Variants in INSC observed in about 807,000 individuals in gnomAD.
INSC encodes the protein protein inscuteable homolog.
A neutral mutation model predicts 58.6 loss-of-function variants in INSC; 67 were observed. That is an observed-to-expected ratio of 1.14 (90% CI 0.94 to 1.40). INSC has a LOEUF of 1.40. Among genes scored for constraint, INSC ranks in the 40% most tolerant of loss-of-function variants. The probability of loss-of-function intolerance (pLI) is 0.00; values close to 1 mark genes in which losing one functional copy is unlikely to be tolerated. For synonymous variants in INSC, 262 were observed against 276.1 expected, an observed-to-expected ratio of 0.95 and a Z score of 0.51; for missense variants, 714 against 692.0, an observed-to-expected ratio of 1.03 and a Z score of -0.36.
Position 15,245,993 on chromosome 11 carries a change from G to A in INSC, c.1552G>A (p.Val518Met). 1 of 1,614,174 alleles carries A rather than the reference G, an allele frequency of 6.2e-7. No individual in the cohort carries two copies. Among genetic ancestry groups the A allele is most frequent in the South Asian group, 1.1e-5 (1 of 91,078 alleles). ...TCAGCAGTTGGTCCAGCCTCGGCTG[G>A]TGGACTCCTTCTTACTCTGCAGCAA... ...DFQQLVQPRL[V>M]DSFLLCSNME... Residue 518 changes from valine to methionine, a missense_variant, in exon 13 of 13, where the codon GTG (valine) becomes ATG (methionine). Transcript: ENST00000379556.
At chr11:15,266,950 G>A in the INSC span, among the ~76,000 whole-genome samples, 1 of 151,922 alleles carries the variant, frequency 6.6e-6, no homozygotes, top group Admixed American at 6.6e-5. Flanking sequence ...GCAGAAAATA[G>A]AAGCTATTAT....
rs529005035 is a variant in INSC, at chr11:15,230,487, G to T, written c.1170+4659G>T. On this transcript the variant is annotated intron_variant, in intron 9 of 12. Coordinates refer to ENST00000379556, the MANE Select transcript of INSC (RefSeq NM_001042536.3). ...AGATGGTGCTAAATCATTCATGAAG[G>T]GTCCACCCCCATGATCCAATCACCT... 5.3e-5 allele frequency among the ~76,000 whole-genome samples: 8 copies of T among 152,192 alleles called. No homozygotes were observed. The East Asian group carries it at 5.8e-4, about 11-fold the overall frequency.
chr11:15,239,791 G>A (rs1020724918), intron 11 of INSC, among the ~76,000 whole-genome samples: 18 of 152,308 alleles, frequency 1.2e-4, no homozygotes, highest in African/African-American at 4.1e-4. Flanking sequence ...TAACAAGGGG[G>A]TGAGTCCTCT....
At chr11:15,131,026 CTATCTTAA>C (rs1224074649) in intron 1 of INSC, among the ~76,000 whole-genome samples, 1 of 151,646 alleles carries the variant, frequency 6.6e-6, no homozygotes, top group African/African-American at 2.4e-5. Context: ...ATGTTTGTTC[CTATCTTAA>C]TTATTTTCCC....
intron 1 of INSC, among the ~76,000 whole-genome samples, chr11:15,144,587 C>T (rs1479735800): frequency 2.6e-5 from 4 of 152,224 alleles, no homozygotes; most frequent in Admixed American, 6.5e-5. Flanking sequence ...TACTTACTGT[C>T]CCCTGTCCCT....
chr11:15,256,911 T>C, the INSC span, among the ~76,000 whole-genome samples: 2 of 152,178 alleles, frequency 1.3e-5, no homozygotes, highest in African/African-American at 2.4e-5. Flanking sequence ...TCTATGGCCT[T>C]TGCCTTCCTC....
At chr11:15,197,316 T>C (rs1335451611) in intron 6 of INSC, among the ~76,000 whole-genome samples, 1 of 152,182 alleles carries the variant, frequency 6.6e-6, no homozygotes, top group Non-Finnish European at 1.5e-5. Context: ...CCAGCTCATC[T>C]TTTCATCCAT....
chr11:15,185,450 A>G (rs549635142), intron 5 of INSC, among the ~76,000 whole-genome samples: 8 of 152,214 alleles, frequency 5.3e-5, no homozygotes, highest in African/African-American at 1.9e-4. Context: ...ACTTACAATT[A>G]TTTATCAAAA....
intron 7 of INSC, among the ~76,000 whole-genome samples, chr11:15,207,986 C>G (rs997963956): frequency 6.6e-6 from 1 of 152,124 alleles, no homozygotes. Flanking sequence ...AGTGTGCCCC[C>G]TGGTCCCATT....
intron 5 of INSC, among the ~76,000 whole-genome samples, chr11:15,180,035 T>A (rs1849707495): frequency 6.6e-6 from 1 of 152,108 alleles, no homozygotes; most frequent in South Asian, 2.1e-4. Flanking sequence ...GGCGGGCAGA[T>A]CACGAGGTCA....
At chr11:15,153,440 T>C (rs1336064171) in intron 2 of INSC, among the ~76,000 whole-genome samples, 1 of 152,246 alleles carries the variant, frequency 6.6e-6, no homozygotes, top group African/African-American at 2.4e-5. Context: ...AGATAATGGC[T>C]TGCATATGTG....
intron 2 of INSC, among the ~76,000 whole-genome samples, chr11:15,172,414 A>T (rs371637314): frequency 4.9e-4 from 75 of 152,358 alleles, no homozygotes; most frequent in African/African-American, 1.5e-3. Flanking sequence ...AACAATGGGC[A>T]TACATTTTCT....
intron 5 of INSC, among the ~76,000 whole-genome samples, chr11:15,179,739 C>T (rs1182392245): frequency 6.6e-6 from 1 of 152,232 alleles, no homozygotes; most frequent in African/African-American, 2.4e-5. Context: ...TGCTGACAAT[C>T]ACATGCAGGG....
downstream of INSC, among the ~76,000 whole-genome samples, chr11:15,248,903 G>C (rs1304495792): frequency 6.6e-6 from 1 of 152,180 alleles, no homozygotes; most frequent in Non-Finnish European, 1.5e-5. Context: ...GTCACCCAGA[G>C]ACTAACCACC....
At chr11:15,114,840 G>A (rs1478025456), upstream of INSC, 2 of 732,384 alleles carry the variant, frequency 2.7e-6, no homozygotes, top group African/African-American at 2.0e-5. Flanking sequence ...CGACCGCCTC[G>A]GAGAGGGCGG....
At chr11:15,158,860 G>GTTTTTTTTTTTTTTTTTTTTTTT in intron 2 of INSC, among the ~76,000 whole-genome samples, 1 of 109,706 alleles carries the variant, frequency 9.1e-6, no homozygotes, top group Non-Finnish European at 1.8e-5. Context: ...ATTGTTGGTG[G>GTTTTTTTTTTTTTTTTTTTTTTT]TTTTTTTTTT....
chr11:15,144,233 AG>A (rs1375981953), intron 1 of INSC, among the ~76,000 whole-genome samples: 1 of 152,246 alleles, frequency 6.6e-6, no homozygotes. Context: ...GAGGCCAGAA[AG>A]AAAGATGAAT....
At chr11:15,218,516 C>T (rs933184828) in intron 7 of INSC, among the ~76,000 whole-genome samples, 1 of 152,072 alleles carries the variant, frequency 6.6e-6, no homozygotes, top group Non-Finnish European at 1.5e-5. Flanking sequence ...TCTAAACATA[C>T]AGGTGTTCAT....
At chr11:15,151,139 AG>A (rs1848636536) in intron 2 of INSC, among the ~76,000 whole-genome samples, 1 of 152,288 alleles carries the variant, frequency 6.6e-6, no homozygotes, top group South Asian at 2.1e-4. Flanking sequence ...CCCACACAGC[AG>A]GAGGTGAGTG....
Sources: allele counts gnomAD v4.1 joint callset (sites outside exome capture counted in the v4.1 genomes callset), GRCh38; gene constraint gnomAD v4.1.1; transcripts MANE v1.5; gene names NCBI Gene and HGNC (gene_info 2026-07-23, HGNC 2026-07-21).